Variants in SPATA16 observed in about 807,000 individuals in gnomAD.
SPATA16 encodes spermatogenesis-associated protein 16.
A neutral mutation model predicts 63.3 loss-of-function variants in SPATA16; 36 were observed. The ratio of observed to expected loss-of-function variants is 0.57; its 90% CI spans 0.44 to 0.75. The LOEUF (loss-of-function observed/expected upper bound fraction) is 0.75, where lower values mean the gene tolerates loss of function less well. SPATA16 is among the 30% of genes least tolerant of loss of function. SPATA16 has a pLI of 0.00. For synonymous variants in SPATA16, 203 were observed against 216.7 expected (o/e 0.94, Z 0.56); for missense variants, 646 against 679.3 (o/e 0.95, Z 0.54).
chr3:173,019,433 A>C, intron 4 of SPATA16, 53 bp downstream of exon 4: 1 of 1,462,468 alleles, frequency 6.8e-7, no homozygotes, highest in Non-Finnish European at 9.6e-7. Context: ...GAATTTGAGA[A>C]TAAAATTAAT....
Position 173,048,988 on chromosome 3 carries a change from C to T in SPATA16, c.719G>A (p.Arg240Gln), listed in dbSNP as rs200456888. Residue 240 changes from arginine (R) to glutamine (Q), a missense_variant, in exon 3 of 11, where the codon CGG (arginine) becomes CAG (glutamine). Transcript: ENST00000351008. ...CAGGGCAAGATCTGGTTTCCTCATC[C>T]GTAGATAACAGGTAACAAGCTTTGT... ...IETKLVTCYL[R>Q]MRKPDLALNH... The T allele has an allele frequency of 1.4e-5, 23 of 1,613,770 alleles. No individual in the cohort carries two copies. The highest frequency in any genetic ancestry group is 3.3e-4 in the Middle Eastern group (2 of 6,062).
chr3:173,016,323 C>T (rs1735185674), intron 4 of SPATA16, among the ~76,000 whole-genome samples: 1 of 152,194 alleles, frequency 6.6e-6, no homozygotes, highest in South Asian at 2.1e-4. Context: ...AGCATTTCCT[C>T]CAGCCTCTCT....
In SPATA16 at chr3:172,968,886, A is replaced by G. The variant is rs547277247; in HGVS notation, c.933+8082T>C. 2.5e-3 allele frequency among the ~76,000 whole-genome samples: 388 copies of G among 152,376 alleles called. 1 individual carries two copies. Among genetic ancestry groups the G allele is most frequent in the Non-Finnish European group, 3.8e-3 (260 of 68,034 alleles). On this transcript the variant is annotated intron_variant, in intron 5 of 10. Coordinates refer to ENST00000351008, the MANE Select transcript of SPATA16 (RefSeq NM_031955.6). ...ATGGAAACATATCATTAAAGAATGT[A>G]TAAACAGGAATGAATAATTAGATGA...
intron 2 of SPATA16, among the ~76,000 whole-genome samples, chr3:173,104,587 TTAAA>T (rs776770860): frequency 9.9e-5 from 15 of 152,048 alleles, no homozygotes; most frequent in Non-Finnish European, 1.9e-4. Context: ...CTACAAATTT[TTAAA>T]TAACCAGATC....
Position 173,114,730 on chromosome 3 carries a change from G to A in SPATA16, c.612+2390C>T, listed in dbSNP as rs147173041. The stretch of plus-strand genomic sequence containing the variant: ...TTATCATTGTGCCTTGGCTTCTGCC[G>A]TCCATCCTATCTTATTCAAAGCCAT... On this transcript the variant is annotated intron_variant, in intron 2 of 10. Transcript: ENST00000351008. 1.1e-3 allele frequency among the ~76,000 whole-genome samples: 171 copies of A among 152,198 alleles called. 2 individuals are homozygous for A. The East Asian group carries it at 0.017, about 15-fold the overall frequency.
intron 2 of SPATA16, among the ~76,000 whole-genome samples, chr3:173,089,676 G>A (rs1737173683): frequency 6.6e-6 from 1 of 152,142 alleles, no homozygotes; most frequent in Admixed American, 6.5e-5. Flanking sequence ...TACCTTGTAA[G>A]GTGTTTCTTA....
At chr3:172,969,199 G>A (rs764034830) in intron 5 of SPATA16, among the ~76,000 whole-genome samples, 1 of 152,150 alleles carries the variant, frequency 6.6e-6, no homozygotes, top group African/African-American at 2.4e-5. Flanking sequence ...TACATCATGG[G>A]GAGAAAGGGA....
intron 4 of SPATA16, among the ~76,000 whole-genome samples, chr3:172,990,022 G>A (rs1051125683): frequency 6.6e-6 from 1 of 152,050 alleles, no homozygotes; most frequent in African/African-American, 2.4e-5. Flanking sequence ...ATAGCACTTT[G>A]CTTATGTCAT....
At chr3:172,953,699 A>C (rs1270406453) in intron 6 of SPATA16, among the ~76,000 whole-genome samples, 1 of 152,234 alleles carries the variant, frequency 6.6e-6, no homozygotes, top group Non-Finnish European at 1.5e-5. Context: ...AGCCTGCTAC[A>C]GATTGAGAAG....
At chr3:172,920,719 C>T (rs1381923783) in intron 8 of SPATA16, among the ~76,000 whole-genome samples, 1 of 152,050 alleles carries the variant, frequency 6.6e-6, no homozygotes, top group Non-Finnish European at 1.5e-5. Context: ...TACAAAGTGA[C>T]TAAATATTCA....
At chr3:172,969,927 A>G (rs1439606381) in intron 5 of SPATA16, among the ~76,000 whole-genome samples, 3 of 152,212 alleles carry the variant, frequency 2.0e-5, no homozygotes, top group Admixed American at 2.0e-4. Context: ...TCAGGTAATC[A>G]TTGGACAAAG....
intron 10 of SPATA16, among the ~76,000 whole-genome samples, chr3:172,896,346 G>A (rs1330035857): frequency 6.6e-6 from 1 of 152,046 alleles, no homozygotes. Context: ...TCAGCCTCCC[G>A]AGTAGCTGGG....
At chr3:172,937,673 T>A (rs1372462343) in intron 6 of SPATA16, among the ~76,000 whole-genome samples, 1 of 152,088 alleles carries the variant, frequency 6.6e-6, no homozygotes, top group African/African-American at 2.4e-5. Context: ...CTACTAAAAC[T>A]AGGGGGTAGA....
chr3:173,107,527 G>A (rs1212678854), intron 2 of SPATA16, among the ~76,000 whole-genome samples: 1 of 151,474 alleles, frequency 6.6e-6, no homozygotes, highest in Non-Finnish European at 1.5e-5. Context: ...CTCTTAGGCG[G>A]AAACAAAGTC....
intron 1 of SPATA16, among the ~76,000 whole-genome samples, chr3:173,130,596 A>G (rs1738353063): frequency 6.6e-6 from 1 of 152,136 alleles, no homozygotes; most frequent in African/African-American, 2.4e-5. Flanking sequence ...ACAATGTTGT[A>G]TGGCACTTAT....
At chr3:173,083,576 A>G (rs917381611) in intron 2 of SPATA16, among the ~76,000 whole-genome samples, 1 of 152,136 alleles carries the variant, frequency 6.6e-6, no homozygotes, top group African/African-American at 2.4e-5. Context: ...GGTTTGCTGC[A>G]CAGATCATCC....
chr3:172,991,175 A>G (rs1734569047), intron 4 of SPATA16, among the ~76,000 whole-genome samples: 1 of 152,096 alleles, frequency 6.6e-6, no homozygotes, highest in Non-Finnish European at 1.5e-5. Context: ...CACGGTTTCA[A>G]TGATAAATTA....
At chr3:172,896,826 T>C (rs1255218637) in intron 10 of SPATA16, among the ~76,000 whole-genome samples, 3 of 152,158 alleles carry the variant, frequency 2.0e-5, no homozygotes, top group Non-Finnish European at 4.4e-5. Context: ...GAGCTCTTTA[T>C]AGAATCTGTA....
intron 2 of SPATA16, among the ~76,000 whole-genome samples, chr3:173,095,025 T>C (rs1057004510): frequency 2.0e-5 from 3 of 152,304 alleles, no homozygotes; most frequent in East Asian, 1.9e-4. Context: ...AAATAGGCAT[T>C]GTTATATAGT....
Sources: allele counts gnomAD v4.1 joint callset (sites outside exome capture counted in the v4.1 genomes callset), GRCh38; gene constraint gnomAD v4.1.1; transcripts MANE v1.5; gene names NCBI Gene and HGNC (gene_info 2026-07-23, HGNC 2026-07-21).